The following PPP2R5E variants were observed in gnomAD, a reference collection of about 807,000 sequenced individuals.
The protein encoded by PPP2R5E is serine/threonine-protein phosphatase 2A 56 kDa regulatory subunit epsilon isoform.
PPP2R5E carries 4 observed loss-of-function variants against 65.3 expected under a neutral mutation model. The ratio of observed to expected loss-of-function variants is 0.06; its 90% CI spans 0.03 to 0.14. The LOEUF (loss-of-function observed/expected upper bound fraction) is 0.14. PPP2R5E is among the 10% of genes least tolerant of loss of function. PPP2R5E has a pLI of 1.00. For missense variants in PPP2R5E, 274 were observed against 556.1 expected (o/e 0.49, Z 5.10); for synonymous variants, 183 against 187.4 (o/e 0.98, Z 0.19).
intron 2 of PPP2R5E, among the ~76,000 whole-genome samples, chr14:63,487,360 C>CG (rs959711812): frequency 6.6e-6 from 1 of 152,044 alleles, no homozygotes; most frequent in African/African-American, 2.4e-5. Context: ...ACCACCCCCC[C>CG]CTCTTAAATT....
intron 1 of PPP2R5E, among the ~76,000 whole-genome samples, chr14:63,542,129 G>A (rs1893927148): frequency 1.3e-5 from 2 of 151,968 alleles, no homozygotes; most frequent in South Asian, 2.1e-4. Flanking sequence ...CTCTACAGAC[G>A]ATATATAGGT....
Position 63,493,854 on chromosome 14 carries a change from G to A in PPP2R5E, c.158-39969C>T, listed in dbSNP as rs142098133. ...TTTAAAAATAAGATTAACCAGTAAT[G>A]ATGGTCAAGTATTCAGATGATGTTC... On this transcript the variant is annotated intron_variant, in intron 2 of 13. Coordinates refer to ENST00000337537, the MANE Select transcript of PPP2R5E (RefSeq NM_006246.5). 2.2e-4 allele frequency among the ~76,000 whole-genome samples: 34 copies of A among 152,206 alleles called. No individual in the cohort carries two copies. The East Asian group carries it at 6.6e-3, about 29-fold the overall frequency.
rs1883783209 is a variant in PPP2R5E at position 63,373,202 on chromosome 14, T to C, written c.*2807A>G. On this transcript the variant is annotated 3_prime_UTR_variant, in exon 14 of 14. Transcript: ENST00000337537. ...CTTAATCCTATCCCTGAAACCAATA[T>C]GGTAAGGATAAGGTTGGAGTGATCA... The C allele has an allele frequency of 6.6e-6, 1 of 152,212 alleles. No homozygotes were observed. Among genetic ancestry groups the C allele is most frequent in the African/African-American group, 2.4e-5 (1 of 41,454 alleles). 9.4% of individuals were successfully genotyped at this position (152,212 alleles called of 1,614,324 possible).
intron 2 of PPP2R5E, among the ~76,000 whole-genome samples, chr14:63,464,407 G>C (rs1034648376): frequency 2.6e-5 from 4 of 152,158 alleles, no homozygotes; most frequent in African/African-American, 9.7e-5. Context: ...GGGGTAGTCA[G>C]CCAAGGCTGT....
At chr14:63,471,521 T>C (rs988016506) in intron 2 of PPP2R5E, among the ~76,000 whole-genome samples, 3 of 152,234 alleles carry the variant, frequency 2.0e-5, no homozygotes, top group Non-Finnish European at 2.9e-5. Flanking sequence ...CATGTATACA[T>C]AATAATAGTA....
intron 3 of PPP2R5E, among the ~76,000 whole-genome samples, chr14:63,443,497 G>A (rs943921882): frequency 2.0e-5 from 3 of 152,066 alleles, no homozygotes; most frequent in Non-Finnish European, 4.4e-5. Flanking sequence ...ATCTACAGCC[G>A]TCATCTCAAC....
chr14:63,477,875 A>G (rs8006981), intron 2 of PPP2R5E, among the ~76,000 whole-genome samples: 49,603 of 151,268 alleles, frequency 0.33, 10,850 homozygotes, highest in African/African-American at 0.62. Flanking sequence ...TATATATAAA[A>G]TTTTTAAATG....
At chr14:63,518,219 G>A (rs1317103303) in intron 2 of PPP2R5E, among the ~76,000 whole-genome samples, 1 of 152,092 alleles carries the variant, frequency 6.6e-6, no homozygotes, top group African/African-American at 2.4e-5. Flanking sequence ...GGGATTACAA[G>A]CATAAGCCAA....
chr14:63,501,705 G>GTA (rs1199914533), intron 2 of PPP2R5E, among the ~76,000 whole-genome samples: 1 of 152,184 alleles, frequency 6.6e-6, no homozygotes, highest in Non-Finnish European at 1.5e-5. Flanking sequence ...TGAGTGAACT[G>GTA]TATAGTACGT....
intron 13 of PPP2R5E, among the ~76,000 whole-genome samples, chr14:63,376,344 T>C (rs972485437): frequency 1.3e-5 from 2 of 152,196 alleles, no homozygotes; most frequent in Admixed American, 6.5e-5. Flanking sequence ...TTTTTCTTTA[T>C]CTCCAAATAG....
chr14:63,394,070 CTTTT>C (rs557273298), intron 7 of PPP2R5E, 142 bp from the exon 8 acceptor site: 2,538 of 180,614 alleles, frequency 0.014, 6 homozygotes, highest in African/African-American at 0.027. Flanking sequence ...TCAGAATTTC[CTTTT>C]TTTTTTTTTT....
intron 13 of PPP2R5E, among the ~76,000 whole-genome samples, chr14:63,378,956 A>G (rs1884150778): frequency 1.3e-5 from 2 of 152,044 alleles, no homozygotes; most frequent in African/African-American, 2.4e-5. Context: ...GGAGAAACCA[A>G]TGTTTCCATC....
intron 5 of PPP2R5E, among the ~76,000 whole-genome samples, chr14:63,408,137 T>A (rs184854274): frequency 6.6e-6 from 1 of 152,228 alleles, no homozygotes; most frequent in Non-Finnish European, 1.5e-5. Context: ...ACATTCTTTT[T>A]ACAAACTGAT....
chr14:63,475,728 C>T (rs1443479465), intron 2 of PPP2R5E, among the ~76,000 whole-genome samples: 1 of 152,128 alleles, frequency 6.6e-6, no homozygotes, highest in Admixed American at 6.5e-5. Context: ...CAGAAAAACA[C>T]TGCCTAGAAG....
At chr14:63,376,652 C>A (rs1307347177) in intron 13 of PPP2R5E, among the ~76,000 whole-genome samples, 1 of 152,044 alleles carries the variant, frequency 6.6e-6, no homozygotes, top group African/African-American at 2.4e-5. Flanking sequence ...TAAAACTTCC[C>A]CCAAAAATTA....
At chr14:63,413,254 C>T (rs986886351) in intron 5 of PPP2R5E, among the ~76,000 whole-genome samples, 5 of 152,208 alleles carry the variant, frequency 3.3e-5, no homozygotes, top group African/African-American at 1.2e-4. Flanking sequence ...AAAGCACTGG[C>T]TTCATAGTAA....
At chr14:63,423,240 C>A (rs1014838094) in intron 3 of PPP2R5E, among the ~76,000 whole-genome samples, 1 of 152,082 alleles carries the variant, frequency 6.6e-6, no homozygotes, top group Non-Finnish European at 1.5e-5. Context: ...GGATTACAGG[C>A]GCATGCCACC....
At chr14:63,462,324 C>A (rs1889527830) in intron 2 of PPP2R5E, among the ~76,000 whole-genome samples, 1 of 152,104 alleles carries the variant, frequency 6.6e-6, no homozygotes, top group Admixed American at 6.5e-5. Flanking sequence ...CCCACCTCGG[C>A]CTCCCAAAGT....
At chr14:63,391,752 C>G in intron 10 of PPP2R5E, 65 bp downstream of exon 10, 2 of 1,537,202 alleles carry the variant, frequency 1.3e-6, no homozygotes, top group Non-Finnish European at 1.8e-6. Flanking sequence ...CATGCTTAGC[C>G]CAATCCTTGG....
Sources: allele counts gnomAD v4.1 joint callset (sites outside exome capture counted in the v4.1 genomes callset), GRCh38; gene constraint gnomAD v4.1.1; transcripts MANE v1.5; gene names NCBI Gene and HGNC (gene_info 2026-07-23, HGNC 2026-07-21).